RPS6KA5: variants seen among roughly 807,000 people sequenced by gnomAD.
RPS6KA5 encodes the protein ribosomal protein S6 kinase alpha-5.
In RPS6KA5, 27 loss-of-function variants were observed where a neutral mutation model predicts 85.5. The observed-to-expected ratio is 0.32, with a 90% CI of 0.23 to 0.44. The LOEUF (loss-of-function observed/expected upper bound fraction) is 0.44. Ranked by LOEUF, RPS6KA5 falls within the 20% of genes least tolerant of loss-of-function variation. The pLI, the probability that RPS6KA5 is intolerant of heterozygous loss-of-function variation, is 1.00. For missense variants in RPS6KA5, 811 were observed against 980.9 expected (o/e 0.83, Z 2.31); for synonymous variants, 334 against 348.2 (o/e 0.96, Z 0.46).
intron 2 of RPS6KA5, among the ~76,000 whole-genome samples, chr14:90,983,787 TTCTCTCTCTCTCTC>T (rs770148887): frequency 1.5e-5 from 2 of 129,414 alleles, no homozygotes; most frequent in South Asian, 5.1e-4. Flanking sequence ...CTTTCTTTCT[TTCTCTCTCTCTCTC>T]TCTCTCTCTC....
rs150910355 is a variant in RPS6KA5, at chr14:90,906,186, C to A, written c.920G>T (p.Arg307Leu). 6 of 1,611,952 alleles carry A rather than the reference C, an allele frequency of 3.7e-6. No individual in the cohort carries two copies. In the African/African-American group the frequency reaches 4.0e-5, roughly 11 times the overall value. Residue 307 changes from arginine (R) to leucine (L), a missense_variant, in exon 8 of 17, where the codon CGT becomes CTT. Arg to Leu is a moderately radical substitution (Grantham distance 102). Coordinates refer to ENST00000614987, the MANE Select transcript of RPS6KA5 (RefSeq NM_004755.4). The stretch of plus-strand genomic sequence containing the variant: ...ATGTTCTTTGATTTCATCTGCATCA[C>A]GTGGACCACATCCCAATCTCTTCTT... ...DPKKRLGCGPRDADEIKEHLF... is the reference protein window; with the variant it reads ...DPKKRLGCGPLDADEIKEHLF...
chr14:90,956,049 A>G lies in RPS6KA5; in HGVS notation c.395-8499T>C, dbSNP rs189575829. ...AAAACCGTTTAACAACTATTTATAT[A>G]CCATTTACACTGTATTAAGTATCAG... is the stretch of plus-strand genomic sequence containing the variant. On this transcript the variant is annotated intron_variant, in intron 3 of 16. Coordinates refer to ENST00000614987, the MANE Select transcript of RPS6KA5 (RefSeq NM_004755.4). Among the ~76,000 whole-genome samples the G allele has an allele frequency of 2.6e-5, 4 of 152,322 alleles. No homozygotes were observed. The East Asian group carries it at 7.7e-4, about 29-fold the overall frequency.
At chr14:90,932,141 T>C (rs903940332) in intron 5 of RPS6KA5, among the ~76,000 whole-genome samples, 29 of 152,200 alleles carry the variant, frequency 1.9e-4, no homozygotes, top group African/African-American at 5.1e-4. Flanking sequence ...TTCATTCATT[T>C]GAGACAGGGT....
intron 1 of RPS6KA5, among the ~76,000 whole-genome samples, chr14:91,059,610 G>A (rs980751339): frequency 1.3e-5 from 2 of 152,224 alleles, no homozygotes; most frequent in African/African-American, 4.8e-5. Flanking sequence ...GACAACGCTA[G>A]TGATCTCAAA....
chr14:91,041,678 T>G (rs1479322467), intron 1 of RPS6KA5, among the ~76,000 whole-genome samples: 3 of 152,234 alleles, frequency 2.0e-5, no homozygotes, highest in Admixed American at 6.5e-5. Flanking sequence ...CTGTTTAGAT[T>G]TGTGGTTGGG....
chr14:90,926,953 A>G (rs2036708333), intron 5 of RPS6KA5, among the ~76,000 whole-genome samples: 1 of 152,180 alleles, frequency 6.6e-6, no homozygotes, highest in Non-Finnish European at 1.5e-5. Flanking sequence ...AATTTATAAA[A>G]TAAAAGTAAT....
At chr14:90,889,796 G>T (rs918629703) in intron 14 of RPS6KA5, among the ~76,000 whole-genome samples, 3 of 152,084 alleles carry the variant, frequency 2.0e-5, no homozygotes, top group African/African-American at 7.2e-5. Context: ...GGGGAGGAGG[G>T]GCTGAAGGGA....
intron 3 of RPS6KA5, among the ~76,000 whole-genome samples, chr14:90,962,936 A>G (rs1207289518): frequency 6.6e-6 from 1 of 152,186 alleles, no homozygotes; most frequent in African/African-American, 2.4e-5. Context: ...ATATAACCAC[A>G]GTATAATTGT....
chr14:91,009,183 G>T (rs367550943), intron 1 of RPS6KA5, among the ~76,000 whole-genome samples: 39 of 152,300 alleles, frequency 2.6e-4, no homozygotes, highest in Middle Eastern at 6.8e-3. Context: ...GACATTAAGA[G>T]GTGGGGCCAC....
chr14:90,990,038 A>AAAAAAAGATGAGCAC (rs1469160973), intron 2 of RPS6KA5, among the ~76,000 whole-genome samples: 1 of 152,158 alleles, frequency 6.6e-6, no homozygotes, highest in East Asian at 1.9e-4. Flanking sequence ...TTTGGGCAGG[A>AAAAAAAGATGAGCAC]TTTGGACAGG....
At chr14:90,973,947 A>G (rs1160254671) in intron 3 of RPS6KA5, among the ~76,000 whole-genome samples, 1 of 146,118 alleles carries the variant, frequency 6.8e-6, no homozygotes, top group Non-Finnish European at 1.5e-5. Flanking sequence ...CTGAGGGAGG[A>G]GAATCACTTG....
intron 3 of RPS6KA5, among the ~76,000 whole-genome samples, chr14:90,966,035 T>C (rs1380374562): frequency 2.0e-5 from 3 of 151,982 alleles, no homozygotes; most frequent in African/African-American, 7.3e-5. Flanking sequence ...GCAAAAGAAG[T>C]GAAAGAGGTT....
At chr14:90,965,322 C>T (rs1005153409) in intron 3 of RPS6KA5, among the ~76,000 whole-genome samples, 2 of 152,090 alleles carry the variant, frequency 1.3e-5, no homozygotes, top group Non-Finnish European at 1.5e-5. Context: ...TGCAGTGAGC[C>T]GAGATCGCAC....
chr14:91,031,021 T>C (rs1252760559), intron 1 of RPS6KA5, among the ~76,000 whole-genome samples: 2 of 152,140 alleles, frequency 1.3e-5, no homozygotes, highest in Non-Finnish European at 2.9e-5. Context: ...AAAGGAGTTT[T>C]AATGGGCATA....
At chr14:91,022,947 T>A (rs760282989) in intron 1 of RPS6KA5, among the ~76,000 whole-genome samples, 1 of 151,944 alleles carries the variant, frequency 6.6e-6, no homozygotes, top group South Asian at 2.1e-4. Context: ...TAGCTGGGCA[T>A]GGTGGCGCAC....
intron 1 of RPS6KA5, among the ~76,000 whole-genome samples, chr14:91,016,866 CAA>C (rs34806962): frequency 0.22 from 27,015 of 120,978 alleles, 2,433 homozygotes; most frequent in East Asian, 0.33. Flanking sequence ...TCTAAACAGG[CAA>C]AAAAAAAAAA....
chr14:90,990,423 G>C (rs1404204533), intron 2 of RPS6KA5, among the ~76,000 whole-genome samples: 1 of 152,196 alleles, frequency 6.6e-6, no homozygotes, highest in African/African-American at 2.4e-5. Flanking sequence ...TTTATACACT[G>C]CTAGTGGGAA....
At chr14:90,957,127 C>A (rs1476475633) in intron 3 of RPS6KA5, among the ~76,000 whole-genome samples, 4 of 152,106 alleles carry the variant, frequency 2.6e-5, no homozygotes, top group Non-Finnish European at 5.9e-5. Flanking sequence ...TACAGTGGCA[C>A]AAACTCAGCT....
At position 90,852,800 on chromosome 14, in the gene RPS6KA5, G is replaced by C. The variant is rs918774943; in HGVS notation, c.*19274C>G. ...GCTGGAGTGCAGTGGCGCGATCTCGGCTCACTACAAGCTCCGCCTCCCGGG... is the reference window on the plus strand; with the variant it reads ...GCTGGAGTGCAGTGGCGCGATCTCGCCTCACTACAAGCTCCGCCTCCCGGG... On this transcript the variant is annotated 3_prime_UTR_variant, in exon 17 of 17. Transcript: ENST00000614987. 9 of 143,942 alleles carry C rather than the reference G, an allele frequency of 6.3e-5. No individual in the cohort carries two copies. Among genetic ancestry groups the C allele is most frequent in the Admixed American group, 2.2e-4 (3 of 13,760 alleles). The allele number at this position is 143,942 out of a possible 1,614,324, so 8.9% of individuals were successfully genotyped here. A position where few individuals can be genotyped will look rare whatever the true frequency, so the allele number is the denominator to read the frequency against.
Sources: gnomAD v4.1 joint callset for allele counts (sites outside exome capture counted in the v4.1 genomes callset) on GRCh38, gnomAD v4.1.1 for gene constraint, MANE v1.5 for transcripts, NCBI Gene and HGNC (gene_info 2026-07-23, HGNC 2026-07-21) for gene names.